Variants in DCP1A observed in about 807,000 individuals in gnomAD.
DCP1A encodes the protein mRNA-decapping enzyme 1A.
Under a neutral mutation model 58.0 loss-of-function variants are expected in DCP1A, and 20 were observed. The observed-to-expected ratio is 0.34, with a 90% CI of 0.24 to 0.50. The LOEUF (loss-of-function observed/expected upper bound fraction) is 0.50. DCP1A is among the 20% of genes least tolerant of loss of function. DCP1A has a pLI of 0.98. For synonymous variants in DCP1A, 285 were observed against 275.1 expected, an observed-to-expected ratio of 1.04 and a Z score of -0.36; for missense variants, 613 against 712.2, an observed-to-expected ratio of 0.86 and a Z score of 1.59.
At chr3:53,327,845 G>T (rs552889570) in intron 3 of DCP1A, among the ~76,000 whole-genome samples, 4 of 151,312 alleles carry the variant, frequency 2.6e-5, no homozygotes, top group Admixed American at 1.3e-4. Flanking sequence ...AACAAAGGCC[G>T]GGCGTGGTGG....
chr3:53,309,294 C>T (rs1382483616), intron 5 of DCP1A, among the ~76,000 whole-genome samples: 5 of 150,888 alleles, frequency 3.3e-5, no homozygotes, highest in East Asian at 1.9e-4. Context: ...TCACTTGAAT[C>T]TGGGAGGTGG....
At chr3:53,287,783 C>G (rs1245920189) in intron 9 of DCP1A, 123 bp from the exon 10 acceptor site, 1 of 709,356 alleles carries the variant, frequency 1.4e-6, no homozygotes, top group African/African-American at 1.8e-5. Context: ...AATCCCACCA[C>G]CCAGAGACAA....
At chr3:53,302,843 G>A (rs907006150) in intron 6 of DCP1A, among the ~76,000 whole-genome samples, 2 of 151,430 alleles carry the variant, frequency 1.3e-5, no homozygotes, top group Non-Finnish European at 2.9e-5. Flanking sequence ...GGCTGGTCTC[G>A]AACTCCTGAC....
intron 8 of DCP1A, among the ~76,000 whole-genome samples, chr3:53,290,033 C>A (rs1706795957): frequency 6.6e-6 from 1 of 152,150 alleles, no homozygotes; most frequent in Non-Finnish European, 1.5e-5. Context: ...TGCTGGCTCC[C>A]ATTTAAACTC....
chr3:53,330,821 A>G (rs1559702185), intron 3 of DCP1A, among the ~76,000 whole-genome samples: 1 of 105,142 alleles, frequency 9.5e-6, no homozygotes, highest in Non-Finnish European at 2.2e-5. Context: ...ACACATATAT[A>G]TATATTTTTT....
chr3:53,304,159 A>G lies in DCP1A; in HGVS notation c.624+18T>C. ...TCTTTGTTACTTAGGACAAAGCTAGAGCTTTAGCTGTACAAACCTTATCCT... is the reference window on the plus strand; with the variant it reads ...TCTTTGTTACTTAGGACAAAGCTAGGGCTTTAGCTGTACAAACCTTATCCT... On this transcript the variant is annotated intron_variant, in intron 6 of 9. Transcript: ENST00000610213. 6.4e-7 allele frequency: 1 copy of G among 1,563,550 alleles called. No homozygotes were observed. The highest frequency in any genetic ancestry group is 8.8e-7 in the Non-Finnish European group (1 of 1,137,980).
At position 53,287,436 on chromosome 3, in the gene DCP1A, G is replaced by A. The variant is rs1706680864; in HGVS notation, c.*144C>T. The A allele has an allele frequency of 3.4e-6, 1 of 294,924 alleles. No individual in the cohort carries two copies. Among genetic ancestry groups the A allele is most frequent in the Non-Finnish European group, 6.4e-6 (1 of 155,582 alleles). 18.3% of individuals were successfully genotyped at this position (294,924 alleles called of 1,614,324 possible). ...TCCATTATCACTGAGAATGTCACTT[G>A]GAAAACATTCTTAAGAAATGAGTCT... On this transcript the variant is annotated 3_prime_UTR_variant, in exon 10 of 10. Coordinates refer to ENST00000610213, the MANE Select transcript of DCP1A (RefSeq NM_018403.7).
chr3:53,307,710 T>G (rs138367125), intron 5 of DCP1A, among the ~76,000 whole-genome samples: 1 of 152,320 alleles, frequency 6.6e-6, no homozygotes, highest in African/African-American at 2.4e-5. Flanking sequence ...GAGGGTGATT[T>G]TATAATATTT....
intron 6 of DCP1A, among the ~76,000 whole-genome samples, chr3:53,295,931 C>T (rs1200134918): frequency 2.7e-5 from 4 of 148,304 alleles, no homozygotes; most frequent in African/African-American, 7.5e-5. Flanking sequence ...CTAGCCCTAT[C>T]GCCCAGGCTC....
intron 5 of DCP1A, 137 bp from the exon 6 acceptor site, chr3:53,304,427 C>T: frequency 3.2e-6 from 2 of 618,704 alleles, no homozygotes; most frequent in Non-Finnish European, 5.6e-6. Flanking sequence ...AATGTTTGCT[C>T]TGTACTCCAA....
In DCP1A at chr3:53,324,081, T is replaced by C. The variant is rs545112218; in HGVS notation, c.305-4608A>G. Reference sequence around the variant, plus strand: ...TTCATTTAAGATGTCCTCTTTTCCTTTGAAAAAATACAATATAATTTAGAA... The same window carrying C: ...TTCATTTAAGATGTCCTCTTTTCCTCTGAAAAAATACAATATAATTTAGAA... On this transcript the variant is annotated intron_variant, in intron 3 of 9. Coordinates refer to ENST00000610213, the MANE Select transcript of DCP1A (RefSeq NM_018403.7). Among the ~76,000 whole-genome samples, 7 of 152,294 alleles carry C rather than the reference T, an allele frequency of 4.6e-5. No homozygotes were observed. The South Asian group carries it at 1.5e-3, about 32-fold the overall frequency.
chr3:53,288,082 A>C lies in DCP1A; in HGVS notation c.1651T>G (p.Leu551Val). 1 of 1,613,790 alleles carries C rather than the reference A, an allele frequency of 6.2e-7. No individual in the cohort carries two copies. The highest frequency in any genetic ancestry group is 8.5e-7 in the Non-Finnish European group (1 of 1,179,664). The change falls in exon 9 of 10, where the codon TTA (leucine) becomes GTA (valine). Residue 551 changes from leucine (L) to valine (V), a missense_variant. This residue lies in a region of DCP1A where 498 missense variants were observed against 556.7 expected (regional missense o/e 0.89). Coordinates refer to ENST00000610213, the MANE Select transcript of DCP1A (RefSeq NM_018403.7). ...ILSKSQLQDT[L>V]IHLIKNDSSF... ...CTACATACCTTTATTAGATGTATTA[A>C]TGTATCCTGGAGCTGAGACTTGCTG...
intron 6 of DCP1A, among the ~76,000 whole-genome samples, chr3:53,302,031 T>G (rs1707327005): frequency 6.6e-6 from 1 of 152,154 alleles, no homozygotes; most frequent in South Asian, 2.1e-4. Flanking sequence ...GGGCAAAACA[T>G]CTTGGGGGTG....
intron 6 of DCP1A, among the ~76,000 whole-genome samples, chr3:53,298,341 C>T (rs1439163138): frequency 6.6e-6 from 1 of 152,146 alleles, no homozygotes. Context: ...ATAACTACTG[C>T]GAGGCCAGAC....
Position 53,290,775 on chromosome 3 carries a change from A to G in DCP1A, c.1449+16T>C. ...AAAAAAAAAAAAAAAAAAAAAAAAA[A>G]AAAGCGAGTCCTTACCGGGATGGCA... On this transcript the variant is annotated intron_variant, in intron 8 of 9. Coordinates refer to ENST00000610213, the MANE Select transcript of DCP1A (RefSeq NM_018403.7). 1.3e-6 allele frequency: 2 copies of G among 1,504,436 alleles called. No individual in the cohort carries two copies. The highest frequency in any genetic ancestry group is 2.4e-5 in the East Asian group (1 of 42,040). The allele number at this position is 1,504,436 out of a possible 1,614,324, so 93.2% of individuals were successfully genotyped here.
intron 5 of DCP1A, among the ~76,000 whole-genome samples, chr3:53,305,725 A>G (rs528143644): frequency 6.6e-6 from 1 of 152,250 alleles, no homozygotes; most frequent in East Asian, 1.9e-4. Context: ...TTTTCTTCTA[A>G]AAGTTTTATA....
Position 53,284,527 on chromosome 3 carries a change from T to G in DCP1A, c.*3053A>C. 9.6e-5 allele frequency: 1 copy of G among 10,394 alleles called. No individual in the cohort carries two copies. Among genetic ancestry groups the G allele is most frequent in the East Asian group, 8.3e-4 (1 of 1,198 alleles). 0.6% of individuals were successfully genotyped at this position (10,394 alleles called of 1,614,324 possible). On this transcript the variant is annotated 3_prime_UTR_variant, in exon 10 of 10. Transcript: ENST00000610213. ...CCTGTAGAGAGGGGCCCAGCGTGAC[T>G]TTTTTTTTTTTTTTTTTTTTTTTTT...
intron 3 of DCP1A, among the ~76,000 whole-genome samples, chr3:53,336,664 T>C (rs782079165): frequency 1.3e-5 from 2 of 152,192 alleles, no homozygotes; most frequent in Non-Finnish European, 2.9e-5. Flanking sequence ...AGAAGGGATC[T>C]ACATTTGCTT....
At chr3:53,343,704 T>A (rs1004169861) in intron 2 of DCP1A, among the ~76,000 whole-genome samples, 1 of 152,222 alleles carries the variant, frequency 6.6e-6, no homozygotes, top group East Asian at 1.9e-4. Flanking sequence ...CTCCGCCTCC[T>A]GGGTTCACGA....
Sources: gnomAD v4.1 joint callset for allele counts (sites outside exome capture counted in the v4.1 genomes callset) on GRCh38, gnomAD v4.1.1 for gene constraint, gnomAD v4.1.1 regional missense constraint, MANE v1.5 for transcripts, NCBI Gene and HGNC (gene_info 2026-07-23, HGNC 2026-07-21) for gene names.